The following CRAMP1 variants were observed in gnomAD, a reference collection of about 807,000 sequenced individuals.
The protein encoded by CRAMP1 is protein cramped-like.
A neutral mutation model predicts 115.4 loss-of-function variants in CRAMP1; 50 were observed. The observed-to-expected ratio is 0.43, with a 90% CI of 0.35 to 0.55. The LOEUF is 0.55. CRAMP1 is among the 20% of genes least tolerant of loss of function. The pLI, the probability that CRAMP1 is intolerant of heterozygous loss-of-function variation, is 0.01. For missense variants in CRAMP1, 1,679 were observed against 1,721.7 expected (o/e 0.98, Z 0.44); for synonymous variants, 866 against 745.4 (o/e 1.16, Z -2.64).
intron 13 of CRAMP1, 33 bp from the exon 14 acceptor site, chr16:1,665,024 C>G (rs755364953): frequency 2.1e-6 from 3 of 1,455,264 alleles, no homozygotes; most frequent in Admixed American, 1.7e-5. Flanking sequence ...ATGGGAGTTT[C>G]ATCACCTTGA....
At position 1,674,926 on chromosome 16, in the gene CRAMP1, T is replaced by C. The variant is rs185189808; in HGVS notation, c.*881T>C. ...GCGCTAATATGATTACAGCGAAGACTTTCCTGATAAGTTCTCAAACTCGAT... is the reference window on the plus strand; with the variant it reads ...GCGCTAATATGATTACAGCGAAGACCTTCCTGATAAGTTCTCAAACTCGAT... On this transcript the variant is annotated 3_prime_UTR_variant, in exon 21 of 21. Coordinates refer to ENST00000397412, the MANE Select transcript of CRAMP1 (RefSeq NM_020825.4). 5.4e-4 allele frequency: 82 copies of C among 152,356 alleles called. No individual in the cohort carries two copies. Among genetic ancestry groups the C allele is most frequent in the African/African-American group, 2.0e-3 (82 of 41,578 alleles). The allele number at this position is 152,356 out of a possible 1,614,324, so 9.4% of individuals were successfully genotyped here.
In CRAMP1 at chr16:1,614,809, A is replaced by G; in HGVS notation, c.170A>G (p.Asp57Gly). ...GAGAAGACCCCCCGGGCCGGCGCCGACGGCCCCCCCGCGCCCCCCGGCGCG... is the reference window on the plus strand; with the variant it reads ...GAGAAGACCCCCCGGGCCGGCGCCGGCGGCCCCCCCGCGCCCCCCGGCGCG... The part of the protein sequence containing the change: ...RDEKTPRAGA[D>G]GPPAPPGAPQ... The change falls in exon 2 of 21, where the codon GAC (aspartate) becomes GGC (glycine). Residue 57 changes from aspartate (D) to glycine (G), a missense_variant. By Grantham distance (94) the Asp-to-Gly change is moderately conservative. Transcript: ENST00000397412. The surrounding 1 kb of genome is among the most constrained non-coding windows in gnomAD (Gnocchi z 4.4). 2.3e-6 allele frequency: 3 copies of G among 1,277,732 alleles called. No homozygotes were observed. The highest frequency in any genetic ancestry group is 3.0e-6 in the Non-Finnish European group (3 of 1,014,334). The allele number at this position is 1,277,732 out of a possible 1,614,324, so 79.1% of individuals were successfully genotyped here.
intron 8 of CRAMP1, 58 bp from the exon 9 acceptor site, chr16:1,655,161 C>G: frequency 2.1e-6 from 3 of 1,456,014 alleles, no homozygotes; most frequent in East Asian, 2.3e-5. Context: ...CGGGACTCTT[C>G]AGATGGTTTC....
intron 5 of CRAMP1, among the ~76,000 whole-genome samples, chr16:1,640,332 C>G (rs2036621697): frequency 1.3e-5 from 2 of 152,236 alleles, no homozygotes; most frequent in African/African-American, 4.8e-5. Flanking sequence ...TCTGCTGCCT[C>G]TTGGCCTGTG....
At chr16:1,628,053 C>T (rs577466454) in intron 3 of CRAMP1, among the ~76,000 whole-genome samples, 12 of 152,278 alleles carry the variant, frequency 7.9e-5, no homozygotes, top group African/African-American at 2.9e-4. Context: ...CTTATTCAAG[C>T]AGTTCAGTTC....
intron 13 of CRAMP1, among the ~76,000 whole-genome samples, chr16:1,663,504 A>G (rs527321375): frequency 6.6e-6 from 1 of 152,326 alleles, no homozygotes; most frequent in South Asian, 2.1e-4. Context: ...TCTTTGTTCA[A>G]ACTAAGATCA....
At chr16:1,645,753 T>G (rs745940819) in intron 6 of CRAMP1, among the ~76,000 whole-genome samples, 2 of 152,184 alleles carry the variant, frequency 1.3e-5, no homozygotes, top group Non-Finnish European at 2.9e-5. Context: ...AGTCTCCCGC[T>G]CTCTCTAGCT....
At chr16:1,625,516 G>A (rs184724746) in intron 2 of CRAMP1, 1 of 155,130 alleles carries the variant, frequency 6.4e-6, no homozygotes, top group Admixed American at 6.3e-5. Context: ...TCTAAAAGAA[G>A]GTGGTGTTTT....
Position 1,674,460 on chromosome 16 carries a change from CA to C in CRAMP1, c.*416del, listed in dbSNP as rs372402858. ...GATCTCCCTCTCTGCAGGGAGGCCC[CA>C]GCCCCTGCTGCTTGCTTTCTGCCAA... On this transcript the variant is annotated 3_prime_UTR_variant, in exon 21 of 21. Transcript: ENST00000397412. 62 of 198,756 alleles carry C rather than the reference CA, an allele frequency of 3.1e-4. No individual in the cohort carries two copies. The highest frequency in any genetic ancestry group is 1.4e-3 in the African/African-American group (62 of 42,892). 12.3% of individuals were successfully genotyped at this position (198,756 alleles called of 1,614,324 possible).
At chr16:1,653,879 C>T (rs1422590809) in intron 8 of CRAMP1, among the ~76,000 whole-genome samples, 3 of 150,384 alleles carry the variant, frequency 2.0e-5, no homozygotes, top group South Asian at 2.1e-4. Context: ...TGGAGGCTCA[C>T]GCCTGTAATC....
rs201152732 is a variant in CRAMP1, at chr16:1,619,167, G to A, written c.346+4182G>A. 2.9e-4 allele frequency among the ~76,000 whole-genome samples: 44 copies of A among 152,270 alleles called. No individual in the cohort carries two copies. In the East Asian group the frequency reaches 4.6e-3, roughly 16 times the overall value. ...TCTTTGTCACATAAGTAACAACAGC[G>A]GGGTTTTGTTTTTTGTTTTTGTTTT... On this transcript the variant is annotated intron_variant, in intron 2 of 20. Coordinates refer to ENST00000397412, the MANE Select transcript of CRAMP1 (RefSeq NM_020825.4).
At chr16:1,638,631 A>G (rs1161934361) in intron 5 of CRAMP1, among the ~76,000 whole-genome samples, 4 of 152,118 alleles carry the variant, frequency 2.6e-5, no homozygotes, top group Non-Finnish European at 5.9e-5. Context: ...CTGACTTCAT[A>G]AGAAGAGAGC....
chr16:1,659,924 G>A lies in CRAMP1; in HGVS notation c.2274G>A (p.Arg758=). 3 of 1,612,930 alleles carry A rather than the reference G, an allele frequency of 1.9e-6. No individual in the cohort carries two copies. Among genetic ancestry groups the A allele is most frequent in the Non-Finnish European group, 2.5e-6 (3 of 1,179,840 alleles). Residue 758 remains arginine (R), a synonymous_variant, in exon 11 of 21, where the codon AGG becomes AGA. Transcript: ENST00000397412. The part of the protein sequence containing the change: ...EANTISTASV[R]PAQEEQSMTP... Reference sequence around the variant, plus strand: ...ACACCATCTCTACAGCCTCAGTAAGGCCCGCCCAGGAGGAGCAGTCGATGA... The same window carrying A: ...ACACCATCTCTACAGCCTCAGTAAGACCCGCCCAGGAGGAGCAGTCGATGA...
rs1162157575 is a variant in CRAMP1, at chr16:1,669,124, A to G, written c.3458A>G (p.Tyr1153Cys). Residue 1153 changes from tyrosine to cysteine, a missense_variant, in exon 19 of 21, where the codon TAC becomes TGC. Physicochemically the swap from Tyr to Cys is radical, Grantham distance 194. This residue lies in a region of CRAMP1 where 709 missense variants were observed against 741.9 expected (regional missense o/e 0.96). Transcript: ENST00000397412. This position sits in a 1 kb window ranked among gnomAD's most constrained non-coding sequence, Gnocchi z 4.6. ...TCTCCCACCCACGACCCCCAGTGGT[A>G]CCCCAGTGACTCCACCGACTCCTCG... is the stretch of plus-strand genomic sequence containing the variant. ...IASPTHDPQWYPSDSTDSSLS... is the reference protein window; with the variant it reads ...IASPTHDPQWCPSDSTDSSLS... The G allele has an allele frequency of 1.7e-5, 27 of 1,608,706 alleles. No homozygotes were observed. The highest frequency in any genetic ancestry group is 2.0e-5 in the Non-Finnish European group (24 of 1,177,710).
intron 1 of CRAMP1, among the ~76,000 whole-genome samples, chr16:1,613,859 C>T (rs977040994): frequency 6.6e-6 from 1 of 152,146 alleles, no homozygotes; most frequent in African/African-American, 2.4e-5. Flanking sequence ...CTAGTAAATC[C>T]CCGCAGCAGC....
In CRAMP1 at chr16:1,625,709, G is replaced by T; in HGVS notation, c.347-264G>T. The stretch of plus-strand genomic sequence containing the variant: ...GGGCGTCTTAGGCTGCAGCGTCATT[G>T]TGCTGTTACATGGTTCCACATAAAA... On this transcript the variant is annotated intron_variant, in intron 2 of 20. Coordinates refer to ENST00000397412, the MANE Select transcript of CRAMP1 (RefSeq NM_020825.4). 8.0e-6 allele frequency: 3 copies of T among 377,344 alleles called. No individual in the cohort carries two copies. The South Asian group carries it at 1.2e-4, about 15-fold the overall frequency. 23.4% of individuals were successfully genotyped at this position (377,344 alleles called of 1,614,324 possible).
chr16:1,666,350 C>G lies in CRAMP1; in HGVS notation c.2858-72C>G. On this transcript the variant is annotated intron_variant, in intron 15 of 20. Transcript: ENST00000397412. The surrounding 1 kb of genome is among the most constrained non-coding windows in gnomAD (Gnocchi z 5.0). ...CATGAGGTGCGAGGGAGAAGCTGTT[C>G]CCCGAGCCCTCTTGGGACATCTTAT... The G allele has an allele frequency of 1.4e-6, 2 of 1,452,122 alleles. No homozygotes were observed. The highest frequency in any genetic ancestry group is 1.9e-6 in the Non-Finnish European group (2 of 1,058,916). The allele number at this position is 1,452,122 out of a possible 1,614,324, so 90.0% of individuals were successfully genotyped here.
chr16:1,619,701 A>G (rs1327224215), intron 2 of CRAMP1, among the ~76,000 whole-genome samples: 1 of 152,200 alleles, frequency 6.6e-6, no homozygotes, highest in African/African-American at 2.4e-5. Context: ...AGAATCTTCA[A>G]GAGAGACAGC....
chr16:1,632,538 G>A (rs762361721), intron 4 of CRAMP1, among the ~76,000 whole-genome samples, 173 bp downstream of exon 4: 14 of 152,246 alleles, frequency 9.2e-5, no homozygotes, highest in Admixed American at 1.3e-4. Flanking sequence ...TGTCTAACTC[G>A]GTCAAACCAA....
Sources: allele counts gnomAD v4.1 joint callset (sites outside exome capture counted in the v4.1 genomes callset), GRCh38; gene constraint gnomAD v4.1.1; regional missense constraint gnomAD v4.1.1; non-coding constraint Gnocchi (gnomAD v3.1); transcripts MANE v1.5; gene names NCBI Gene and HGNC (gene_info 2026-07-23, HGNC 2026-07-21).